ZNF385D: variants seen among roughly 807,000 people sequenced by gnomAD.
ZNF385D encodes the protein zinc finger protein 659.
A neutral mutation model predicts 35.8 loss-of-function variants in ZNF385D; 15 were observed. That is an observed-to-expected ratio of 0.42 (90% confidence interval 0.28 to 0.64). ZNF385D has a LOEUF of 0.64. Among genes scored for constraint, ZNF385D ranks in the 30% least tolerant of loss-of-function variants. The pLI is 0.23. For missense variants in ZNF385D, 474 were observed against 494.6 expected, an observed-to-expected ratio of 0.96 and a Z score of 0.39; for synonymous variants, 212 against 186.8, an observed-to-expected ratio of 1.13 and a Z score of -1.10.
intron 2 of ZNF385D, among the ~76,000 whole-genome samples, chr3:21,631,823 C>T (rs1350723296): frequency 6.6e-6 from 1 of 152,112 alleles, no homozygotes; most frequent in African/African-American, 2.4e-5. Flanking sequence ...GGATAAAGCT[C>T]ACCAGAACAT....
chr3:21,803,750 C>G (rs998819977), intron 3 of ZNF385D, among the ~76,000 whole-genome samples: 4 of 152,096 alleles, frequency 2.6e-5, no homozygotes, highest in Non-Finnish European at 4.4e-5. Flanking sequence ...TGTGGCAAAT[C>G]TAAGTACTTA....
rs142647581 is a variant in ZNF385D, at chr3:22,079,463, G to C, written c.325+89354C>G. ...TTCTAAATGGAGGGGTTCAACAAAA[G>C]TTTAGCTTGGAAACTGGAATGGGGA... On this transcript the variant is annotated intron_variant, in intron 3 of 5. Coordinates refer to the ZNF385D transcript ENST00000494108. Among the ~76,000 whole-genome samples, 764 of 152,004 alleles carry C rather than the reference G, an allele frequency of 5.0e-3. 5 individuals are homozygous for C. The highest frequency in any genetic ancestry group is 0.017 in the African/African-American group (719 of 41,506).
intron 2 of ZNF385D, among the ~76,000 whole-genome samples, chr3:22,345,633 GC>G (rs1202205498): frequency 1.3e-5 from 2 of 152,186 alleles, no homozygotes; most frequent in Non-Finnish European, 2.9e-5. Flanking sequence ...AGAAAATAAA[GC>G]AGCTAGGTAC....
intron 3 of ZNF385D, among the ~76,000 whole-genome samples, chr3:22,097,162 G>A (rs188220523): frequency 4.6e-5 from 7 of 152,204 alleles, no homozygotes; most frequent in Admixed American, 2.6e-4. Context: ...CATGAGCTGC[G>A]CTTGCAGAAT....
chr3:21,680,096 C>T (rs768651959), intron 1 of ZNF385D, among the ~76,000 whole-genome samples: 1 of 152,040 alleles, frequency 6.6e-6, no homozygotes, highest in Non-Finnish European at 1.5e-5. Flanking sequence ...AATTCACTTC[C>T]TCCCTTTTCA....
chr3:21,751,213 G>A, upstream of ZNF385D: 2 of 1,317,806 alleles, frequency 1.5e-6, no homozygotes, highest in East Asian at 3.4e-5. Context: ...TCAGGACTGA[G>A]AGTACTACAA....
chr3:22,361,366 C>A (rs1214201715), intron 2 of ZNF385D, among the ~76,000 whole-genome samples: 1 of 152,020 alleles, frequency 6.6e-6, no homozygotes, highest in East Asian at 1.9e-4. Flanking sequence ...TTTTAGAGAA[C>A]CAAATTAGCC....
At chr3:21,908,476 T>C (rs1228571492) in intron 3 of ZNF385D, among the ~76,000 whole-genome samples, 3 of 152,018 alleles carry the variant, frequency 2.0e-5, no homozygotes, top group Non-Finnish European at 4.4e-5. Context: ...TCCAAGTGTG[T>C]AAAGAGATCA....
intron 2 of ZNF385D, among the ~76,000 whole-genome samples, chr3:22,221,178 T>C (rs1698234315): frequency 6.6e-6 from 1 of 152,060 alleles, no homozygotes; most frequent in Non-Finnish European, 1.5e-5. Flanking sequence ...CAGAAACATA[T>C]ATGCATACCT....
chr3:22,008,097 A>T (rs1326432790), intron 3 of ZNF385D, among the ~76,000 whole-genome samples: 1 of 151,998 alleles, frequency 6.6e-6, no homozygotes, highest in Admixed American at 6.6e-5. Flanking sequence ...TTTTTACATG[A>T]TGATTTAGTT....
chr3:21,683,938 C>G lies in ZNF385D; in HGVS notation c.23-18910G>C, dbSNP rs990215419. On this transcript the variant is annotated intron_variant, in intron 1 of 7. Transcript: ENST00000281523. ...TCCAGCCAACATCTTCATTTCAGCC[C>G]TATGATACCCTGAACAGAGAACATA... Among the ~76,000 whole-genome samples, 5 of 150,220 alleles carry G rather than the reference C, an allele frequency of 3.3e-5. 1 individual carries two copies. In the South Asian group the frequency reaches 8.6e-4, roughly 26 times the overall value.
chr3:22,176,105 G>A (rs538809569), intron 2 of ZNF385D, among the ~76,000 whole-genome samples: 1 of 147,408 alleles, frequency 6.8e-6, no homozygotes, highest in African/African-American at 2.7e-5. Flanking sequence ...TAAAACTACA[G>A]CATCTGGAAA....
intron 2 of ZNF385D, among the ~76,000 whole-genome samples, chr3:22,354,316 T>C (rs1398389060): frequency 6.6e-6 from 1 of 152,094 alleles, no homozygotes; most frequent in Non-Finnish European, 1.5e-5. Context: ...GTAGATACAG[T>C]AAGGATTAGA....
intron 3 of ZNF385D, among the ~76,000 whole-genome samples, chr3:21,513,929 T>C (rs1707393080): frequency 6.6e-6 from 1 of 152,140 alleles, no homozygotes; most frequent in Admixed American, 6.6e-5. Flanking sequence ...AGTCTCCTTA[T>C]CCCTTTGGGC....
chr3:22,345,137 TAAC>T (rs1218089775), intron 2 of ZNF385D, among the ~76,000 whole-genome samples: 2 of 152,312 alleles, frequency 1.3e-5, no homozygotes, highest in Non-Finnish European at 2.9e-5. Context: ...TTAACTATAA[TAAC>T]AATAATAATG....
chr3:21,982,956 G>A (rs565165415), intron 3 of ZNF385D, among the ~76,000 whole-genome samples: 1 of 152,066 alleles, frequency 6.6e-6, no homozygotes, highest in Non-Finnish European at 1.5e-5. Flanking sequence ...GATCATAGCG[G>A]ATTAGCTTTC....
chr3:21,541,232 C>A (rs936169276), intron 3 of ZNF385D, among the ~76,000 whole-genome samples: 2 of 152,162 alleles, frequency 1.3e-5, no homozygotes, highest in African/African-American at 4.8e-5. Context: ...AAAACCAAAT[C>A]ACCACTCTTA....
intron 3 of ZNF385D, among the ~76,000 whole-genome samples, chr3:21,823,218 C>A (rs928272505): frequency 3.9e-5 from 6 of 152,078 alleles, no homozygotes; most frequent in Non-Finnish European, 8.8e-5. Flanking sequence ...GGTAGTCCAG[C>A]ATCTTACTTT....
At chr3:21,781,778 T>C (rs188674039) in intron 3 of ZNF385D, among the ~76,000 whole-genome samples, 15 of 152,176 alleles carry the variant, frequency 9.9e-5, no homozygotes, top group African/African-American at 3.6e-4. Flanking sequence ...CTCATCCCTT[T>C]ACCAGACAAA....
Sources: allele counts gnomAD v4.1 joint callset (sites outside exome capture counted in the v4.1 genomes callset), GRCh38; gene constraint gnomAD v4.1.1; transcripts MANE v1.5; gene names NCBI Gene and HGNC (gene_info 2026-07-23, HGNC 2026-07-21).